Variants in FAT3 observed in about 807,000 individuals in gnomAD.
The protein encoded by FAT3 is FAT atypical cadherin 3, also known as protocadherin Fat 3.
Under a neutral mutation model 310.2 loss-of-function variants are expected in FAT3, and 95 were observed. The observed-to-expected ratio is 0.31, with a 90% CI of 0.26 to 0.36. The LOEUF is 0.36. FAT3 is among the 10% of genes least tolerant of loss of function. The pLI, the probability that FAT3 is intolerant of heterozygous loss-of-function variation, is 1.00. For synonymous variants in FAT3, 2,314 were observed against 2,192.9 expected (o/e 1.06, Z -1.54); for missense variants, 5,408 against 5,715.6 (o/e 0.95, Z 1.74).
At chr11:92,481,103 C>G (rs1304932371) in intron 2 of FAT3, among the ~76,000 whole-genome samples, 1 of 152,250 alleles carries the variant, frequency 6.6e-6, no homozygotes, top group East Asian at 1.9e-4. Flanking sequence ...TCAATATAAT[C>G]ATTGTGTTAA....
At chr11:92,708,316 C>G (rs1430081797) in intron 4 of FAT3, among the ~76,000 whole-genome samples, 1 of 152,128 alleles carries the variant, frequency 6.6e-6, no homozygotes, top group African/African-American at 2.4e-5. Context: ...AGACACTGTC[C>G]TAATTGTGAT....
chr11:92,234,557 A>C (rs1864330296), intron 1 of FAT3, among the ~76,000 whole-genome samples: 1 of 152,076 alleles, frequency 6.6e-6, no homozygotes, highest in Non-Finnish European at 1.5e-5. Context: ...ACCTGAGGTC[A>C]GCAGTTCGAG....
chr11:92,405,861 T>G (rs1950125931), intron 2 of FAT3, among the ~76,000 whole-genome samples: 1 of 152,182 alleles, frequency 6.6e-6, no homozygotes, highest in South Asian at 2.1e-4. Context: ...GGCTAGAAAT[T>G]TTGTGTCCTT....
At chr11:92,582,102 A>G (rs764970814) in intron 3 of FAT3, among the ~76,000 whole-genome samples, 3 of 151,834 alleles carry the variant, frequency 2.0e-5, no homozygotes, top group South Asian at 2.1e-4. Context: ...TTGTCATGGC[A>G]TCTGTTAACG....
At chr11:92,430,945 T>A (rs373377039) in intron 2 of FAT3, among the ~76,000 whole-genome samples, 6 of 151,996 alleles carry the variant, frequency 3.9e-5, no homozygotes, top group South Asian at 2.1e-4. Flanking sequence ...AGTCTTTGCT[T>A]TTGTGAATAG....
chr11:92,509,129 T>C (rs1953207361), intron 2 of FAT3, among the ~76,000 whole-genome samples: 1 of 152,170 alleles, frequency 6.6e-6, no homozygotes, highest in Non-Finnish European at 1.5e-5. Context: ...AGTTTAAGGA[T>C]GTTAATTTAT....
Position 92,851,162 on chromosome 11 carries a change from T to C in FAT3, c.11366-6052T>C, listed in dbSNP as rs557790910. Among the ~76,000 whole-genome samples the C allele has an allele frequency of 6.6e-5, 10 of 152,296 alleles. No homozygotes were observed. In the South Asian group the frequency reaches 2.1e-3, roughly 32 times the overall value. The stretch of plus-strand genomic sequence containing the variant: ...TTCTGTGCCTACAGTGCACACAGAA[T>C]TTCATATTTCGTATCACCTACTGCG... On this transcript the variant is annotated intron_variant, in intron 19 of 27. Coordinates refer to ENST00000525166, the MANE Select transcript of FAT3 (RefSeq NM_001367949.2).
At chr11:92,293,626 CTAATTGAG>C (rs1279505170) in intron 1 of FAT3, among the ~76,000 whole-genome samples, 3 of 147,696 alleles carry the variant, frequency 2.0e-5, no homozygotes, top group African/African-American at 7.5e-5. Context: ...ATCAGTTTTC[CTAATTGAG>C]CAATTAGACA....
At chr11:92,886,470 A>G (rs1438980219) in intron 24 of FAT3, among the ~76,000 whole-genome samples, 2 of 152,168 alleles carry the variant, frequency 1.3e-5, no homozygotes, top group East Asian at 1.9e-4. Flanking sequence ...GGTGCAGAAC[A>G]TGGTCACTCC....
At chr11:92,776,452 A>G (rs1030482108) in intron 7 of FAT3, among the ~76,000 whole-genome samples, 5 of 152,354 alleles carry the variant, frequency 3.3e-5, no homozygotes, top group African/African-American at 1.2e-4. Flanking sequence ...AGTTCACACC[A>G]TAGGCTAGGA....
chr11:92,475,876 C>T (rs1952038666), intron 2 of FAT3, among the ~76,000 whole-genome samples: 1 of 152,056 alleles, frequency 6.6e-6, no homozygotes, highest in Non-Finnish European at 1.5e-5. Flanking sequence ...TACAAATCCT[C>T]ATAAAAAGGC....
chr11:92,441,828 C>A (rs997158705), intron 2 of FAT3, among the ~76,000 whole-genome samples: 2 of 151,834 alleles, frequency 1.3e-5, no homozygotes, highest in Non-Finnish European at 2.9e-5. Flanking sequence ...AGGGAAGCTC[C>A]TAGGGATGGG....
intron 2 of FAT3, among the ~76,000 whole-genome samples, chr11:92,506,111 A>C (rs762822268): frequency 4.1e-4 from 63 of 152,264 alleles, no homozygotes; most frequent in Non-Finnish European, 2.5e-4. Context: ...AATTCCCCAT[A>C]AAACACACAG....
intron 1 of FAT3, chr11:92,336,212 G>A (rs978995462): frequency 3.5e-6 from 2 of 569,048 alleles, no homozygotes; most frequent in Admixed American, 3.8e-5. Flanking sequence ...GGACAATGGA[G>A]ACGCCAAAGA....
At chr11:92,493,507 C>CT (rs898300930) in intron 2 of FAT3, among the ~76,000 whole-genome samples, 7 of 152,072 alleles carry the variant, frequency 4.6e-5, no homozygotes, top group Non-Finnish European at 8.8e-5. Flanking sequence ...TTTGAATACA[C>CT]TAACACTTCA....
chr11:92,290,005 C>T (rs1291133096), intron 1 of FAT3, among the ~76,000 whole-genome samples: 1 of 152,138 alleles, frequency 6.6e-6, no homozygotes, highest in East Asian at 1.9e-4. Flanking sequence ...TTTTGACACA[C>T]TGTCCCCTCT....
At chr11:92,227,148 A>G (rs1032628832) in intron 1 of FAT3, among the ~76,000 whole-genome samples, 3 of 152,148 alleles carry the variant, frequency 2.0e-5, no homozygotes, top group Non-Finnish European at 4.4e-5. Flanking sequence ...TTTAAAAGAT[A>G]CACATGAACA....
intron 12 of FAT3, among the ~76,000 whole-genome samples, chr11:92,807,195 G>C (rs1947527617): frequency 6.6e-6 from 1 of 152,132 alleles, no homozygotes; most frequent in African/African-American, 2.4e-5. Flanking sequence ...ATTTCAAAGA[G>C]AGTCTTCACC....
At position 92,805,187 on chromosome 11, in the gene FAT3, G is replaced by A. The variant is rs1425871762; in HGVS notation, c.8931G>A (p.Leu2977=). Residue 2977 remains leucine, a synonymous_variant, in exon 11 of 28, where the codon CTG becomes CTA. Coordinates refer to ENST00000525166, the MANE Select transcript of FAT3 (RefSeq NM_001367949.2). ...CTCGAGGAAGGTTTGCTCTGGGCCT[G>A]GTGCAAAGTGAGTGGAAGGTCTATG... ...GNPRGRFALG[L]VQSEWKVYVK... 1 of 1,613,528 alleles carries A rather than the reference G, an allele frequency of 6.2e-7. No individual in the cohort carries two copies. Among genetic ancestry groups the A allele is most frequent in the Non-Finnish European group, 8.5e-7 (1 of 1,179,606 alleles).
Sources: allele counts gnomAD v4.1 joint callset (sites outside exome capture counted in the v4.1 genomes callset), GRCh38; gene constraint gnomAD v4.1.1; transcripts MANE v1.5; gene names NCBI Gene and HGNC (gene_info 2026-07-23, HGNC 2026-07-21).